PLCB4: variants seen among roughly 807,000 people sequenced by gnomAD.
The protein encoded by PLCB4 is 1-phosphatidylinositol 4,5-bisphosphate phosphodiesterase beta-4.
A neutral mutation model predicts 178.8 loss-of-function variants in PLCB4; 77 were observed. That is an observed-to-expected ratio of 0.43 (90% confidence interval 0.36 to 0.52). The LOEUF (loss-of-function observed/expected upper bound fraction) is 0.52, where lower values mean the gene tolerates loss of function less well. Ranked by LOEUF, PLCB4 falls within the 20% of genes least tolerant of loss-of-function variation. The probability of loss-of-function intolerance (pLI) is 0.00; values close to 1 mark genes in which losing one functional copy is unlikely to be tolerated. For missense variants in PLCB4, 1,024 were observed against 1,453.4 expected (o/e 0.70, Z 4.80); for synonymous variants, 496 against 490.8 (o/e 1.01, Z -0.14).
At chr20:9,303,769 C>A (rs1257104885) in intron 3 of PLCB4, among the ~76,000 whole-genome samples, 1 of 152,132 alleles carries the variant, frequency 6.6e-6, no homozygotes, top group Non-Finnish European at 1.5e-5. Flanking sequence ...TTTTTTGAGG[C>A]ACCTCCATAC....
intron 19 of PLCB4, among the ~76,000 whole-genome samples, chr20:9,397,461 T>C (rs2038684176): frequency 6.6e-6 from 1 of 152,236 alleles, no homozygotes; most frequent in African/African-American, 2.4e-5. Context: ...ATGTTCTTTC[T>C]TAATAGCATC....
chr20:9,228,836 A>G (rs1197357879), intron 3 of PLCB4, among the ~76,000 whole-genome samples: 1 of 152,182 alleles, frequency 6.6e-6, no homozygotes, highest in Non-Finnish European at 1.5e-5. Flanking sequence ...TCATGGGTAG[A>G]GAAGGTTGAC....
intron 3 of PLCB4, among the ~76,000 whole-genome samples, chr20:9,280,863 T>C (rs1302624694): frequency 6.6e-6 from 1 of 150,684 alleles, no homozygotes; most frequent in Non-Finnish European, 1.5e-5. Flanking sequence ...ATAATAACAG[T>C]GCCTGGAGGC....
rs150507910 is a variant in PLCB4, at chr20:9,470,711, A to G, written c.3350+2039A>G. On this transcript the variant is annotated intron_variant, in intron 36 of 39. Coordinates refer to ENST00000378473, the MANE Select transcript of PLCB4 (RefSeq NM_001377142.1). ...GTAACTTTCTATTTTTATTTGTGCA[A>G]CTGTATGGGGGTACGTGAGAAAACT... 1.7e-3 allele frequency among the ~76,000 whole-genome samples: 256 copies of G among 152,288 alleles called. 2 individuals are homozygous for G. The South Asian group carries it at 0.022, about 13-fold the overall frequency.
At chr20:9,357,124 A>G (rs1261455011) in intron 7 of PLCB4, among the ~76,000 whole-genome samples, 1 of 152,208 alleles carries the variant, frequency 6.6e-6, no homozygotes, top group Admixed American at 6.5e-5. Context: ...CTCAAAACAA[A>G]TAGAAAAGTA....
chr20:9,287,857 C>T (rs2094548321), intron 3 of PLCB4, among the ~76,000 whole-genome samples: 1 of 152,040 alleles, frequency 6.6e-6, no homozygotes, highest in Non-Finnish European at 1.5e-5. Context: ...CTTCAGATCT[C>T]TTATGTTTTT....
intron 32 of PLCB4, among the ~76,000 whole-genome samples, chr20:9,450,079 C>G (rs1276682167): frequency 6.6e-6 from 1 of 152,170 alleles, no homozygotes; most frequent in Non-Finnish European, 1.5e-5. Context: ...GGATAAGAAA[C>G]GTACACAAAT....
At chr20:9,213,473 C>T (rs552449121) in intron 2 of PLCB4, among the ~76,000 whole-genome samples, 7 of 152,072 alleles carry the variant, frequency 4.6e-5, no homozygotes, top group African/African-American at 1.4e-4. Context: ...AGTTAATTCA[C>T]GTAGTCATGT....
intron 7 of PLCB4, among the ~76,000 whole-genome samples, chr20:9,342,927 G>A (rs374622135): frequency 4.6e-5 from 7 of 152,244 alleles, no homozygotes; most frequent in African/African-American, 1.7e-4. Flanking sequence ...ACAAGATCGT[G>A]TCATTGGTTT....
chr20:9,198,965 A>G (rs868495029), intron 2 of PLCB4, among the ~76,000 whole-genome samples: 4 of 152,160 alleles, frequency 2.6e-5, no homozygotes, highest in Non-Finnish European at 4.4e-5. Context: ...TGTATCTTCA[A>G]AGTTGAGAGG....
chr20:9,083,249 C>A (rs1210895227), intron 1 of PLCB4, among the ~76,000 whole-genome samples: 1 of 152,134 alleles, frequency 6.6e-6, no homozygotes, highest in African/African-American at 2.4e-5. Flanking sequence ...CTTCTTATTG[C>A]AGAAGGGTTA....
At chr20:9,130,965 C>G (rs2092257206) in intron 2 of PLCB4, among the ~76,000 whole-genome samples, 1 of 152,168 alleles carries the variant, frequency 6.6e-6, no homozygotes, top group South Asian at 2.1e-4. Context: ...AGCTCAGCCT[C>G]TCTAAGCCTC....
chr20:9,295,752 AG>A (rs953739863), intron 3 of PLCB4, among the ~76,000 whole-genome samples: 1 of 152,082 alleles, frequency 6.6e-6, no homozygotes, highest in Non-Finnish European at 1.5e-5. Context: ...ATTATTTCTG[AG>A]GGCTCTGTTC....
At chr20:9,321,627 G>GT (rs2094959235) in intron 4 of PLCB4, among the ~76,000 whole-genome samples, 1 of 151,776 alleles carries the variant, frequency 6.6e-6, no homozygotes, top group African/African-American at 2.4e-5. Context: ...GCTTTTTTAG[G>GT]TTTTTTGTTT....
chr20:9,217,832 C>T (rs2093750231), intron 3 of PLCB4, among the ~76,000 whole-genome samples: 1 of 152,118 alleles, frequency 6.6e-6, no homozygotes, highest in African/African-American at 2.4e-5. Context: ...AGAAGATTCC[C>T]ACTGATGTGA....
At chr20:9,310,069 G>T (rs1293038234) in intron 4 of PLCB4, among the ~76,000 whole-genome samples, 1 of 152,156 alleles carries the variant, frequency 6.6e-6, no homozygotes, top group Non-Finnish European at 1.5e-5. Context: ...AAACCACAAA[G>T]CTGAAGAATA....
At chr20:9,422,049 T>G (rs749975895) in intron 27 of PLCB4, among the ~76,000 whole-genome samples, 9 of 152,204 alleles carry the variant, frequency 5.9e-5, no homozygotes, top group Non-Finnish European at 1.0e-4. Context: ...ACCTTTTCCC[T>G]TGGTTTATTT....
At chr20:9,367,477 T>G (rs78909499) in intron 9 of PLCB4, among the ~76,000 whole-genome samples, 2,970 of 152,348 alleles carry the variant, frequency 0.019, 101 homozygotes, top group African/African-American at 0.066. Context: ...CTTATCCTTA[T>G]TTAAAATCCT....
At chr20:9,088,569 T>C (rs895012686) in intron 1 of PLCB4, among the ~76,000 whole-genome samples, 1 of 152,184 alleles carries the variant, frequency 6.6e-6, no homozygotes, top group Non-Finnish European at 1.5e-5. Flanking sequence ...AAATAAATGC[T>C]TAATGAATCA....
Sources: gnomAD v4.1 joint callset for allele counts (sites outside exome capture counted in the v4.1 genomes callset) on GRCh38, gnomAD v4.1.1 for gene constraint, MANE v1.5 for transcripts, NCBI Gene and HGNC (gene_info 2026-07-23, HGNC 2026-07-21) for gene names.